Variants in KCNA2 observed in about 807,000 individuals in gnomAD.
KCNA2 encodes potassium voltage-gated channel subfamily A member 2.
In KCNA2, 11 loss-of-function variants were observed where a neutral mutation model predicts 33.4. That is an observed-to-expected ratio of 0.33 (90% CI 0.21 to 0.55). KCNA2 has a LOEUF of 0.55. KCNA2 is among the 20% of genes least tolerant of loss of function. The pLI is 0.93. For missense variants in KCNA2, 291 were observed against 621.6 expected (o/e 0.47, Z 5.66); for synonymous variants, 222 against 231.3 (o/e 0.96, Z 0.37).
chr1:110,618,550 A>G (rs1436795258), intron 1 of KCNA2, among the ~76,000 whole-genome samples: 1 of 152,080 alleles, frequency 6.6e-6, no homozygotes, highest in Non-Finnish European at 1.5e-5. Context: ...TGGCCCTCAG[A>G]TGGGAAAAAG....
Position 110,594,455 on chromosome 1 carries a change from C to A in KCNA2, c.*8828G>T. The A allele has an allele frequency of 1.0e-6, 1 of 985,314 alleles. No homozygotes were observed. Among genetic ancestry groups the A allele is most frequent in the Non-Finnish European group, 1.2e-6 (1 of 829,944 alleles). The allele number at this position is 985,314 out of a possible 1,614,324, so 61.0% of individuals were successfully genotyped here. ...CACTCATGAGCTTTACAGCTATGTC[C>A]CTGATGAAAACTAGAGAATCTTCCT... is the stretch of plus-strand genomic sequence containing the variant. On this transcript the variant is annotated 3_prime_UTR_variant, in exon 3 of 3. Transcript: ENST00000316361.
chr1:110,622,410 A>C (rs1186808721), intron 1 of KCNA2, among the ~76,000 whole-genome samples: 1 of 152,148 alleles, frequency 6.6e-6, no homozygotes, highest in Non-Finnish European at 1.5e-5. Flanking sequence ...GAAAGACGGA[A>C]TGCTTTCCTT....
intron 1 of KCNA2, among the ~76,000 whole-genome samples, chr1:110,617,980 A>T (rs900565436): frequency 6.6e-6 from 1 of 152,100 alleles, no homozygotes; most frequent in Admixed American, 6.5e-5. Context: ...AGTCATCATC[A>T]TGGAGGGGTC....
At chr1:110,628,869 T>C (rs1415829241) in intron 1 of KCNA2, among the ~76,000 whole-genome samples, 1 of 152,188 alleles carries the variant, frequency 6.6e-6, no homozygotes. Flanking sequence ...AGATACTAAA[T>C]GATTGTTTAT....
In KCNA2 at chr1:110,596,335, CTATA is replaced by C. The variant is rs141819879; in HGVS notation, c.*6944_*6947del. The stretch of plus-strand genomic sequence containing the variant: ...AAAATAGTATACATATATACATATA[CTATA>C]TATATATATATACACACATAAATAT... On this transcript the variant is annotated 3_prime_UTR_variant, in exon 3 of 3. Transcript: ENST00000316361. 45 of 335,432 alleles carry C rather than the reference CTATA, an allele frequency of 1.3e-4. No individual in the cohort carries two copies. Among genetic ancestry groups the C allele is most frequent in the East Asian group, 8.5e-4 (5 of 5,900 alleles). 20.8% of individuals were successfully genotyped at this position (335,432 alleles called of 1,614,324 possible). A position where few individuals can be genotyped will look rare whatever the true frequency, so the allele number is the denominator to read the frequency against.
At chr1:110,611,378 C>T (rs142662739) in intron 1 of KCNA2, among the ~76,000 whole-genome samples, 346 of 152,318 alleles carry the variant, frequency 2.3e-3, no homozygotes, top group African/African-American at 8.0e-3. Flanking sequence ...TGGGCCTTGG[C>T]TCCTGTCTTG....
At chr1:110,625,529 A>C (rs1650366577) in intron 1 of KCNA2, among the ~76,000 whole-genome samples, 1 of 152,228 alleles carries the variant, frequency 6.6e-6, no homozygotes, top group African/African-American at 2.4e-5. Context: ...GAAATATTTT[A>C]TAATCATAAA....
In KCNA2 at chr1:110,600,728, A is replaced by G; in HGVS notation, c.*2555T>C. 1.0e-6 allele frequency: 1 copy of G among 985,216 alleles called. No individual in the cohort carries two copies. The highest frequency in any genetic ancestry group is 1.2e-6 in the Non-Finnish European group (1 of 829,906). 61.0% of individuals were successfully genotyped at this position (985,216 alleles called of 1,614,324 possible). A position where few individuals can be genotyped will look rare whatever the true frequency, so the allele number is the denominator to read the frequency against. On this transcript the variant is annotated 3_prime_UTR_variant, in exon 3 of 3. Coordinates refer to ENST00000316361, the MANE Select transcript of KCNA2 (RefSeq NM_004974.4). ...TTTTCCAAAGATCTGTGTCCCTCCCACCCCATGCCTTGGAAATTCAGCACC... is the reference window on the plus strand; with the variant it reads ...TTTTCCAAAGATCTGTGTCCCTCCCGCCCCATGCCTTGGAAATTCAGCACC...
In KCNA2 at chr1:110,597,606, G is replaced by C; in HGVS notation, c.*5677C>G. 2.0e-6 allele frequency: 2 copies of C among 985,430 alleles called. No individual in the cohort carries two copies. The highest frequency in any genetic ancestry group is 1.2e-6 in the Non-Finnish European group (1 of 829,942). The allele number at this position is 985,430 out of a possible 1,614,324, so 61.0% of individuals were successfully genotyped here. On this transcript the variant is annotated 3_prime_UTR_variant, in exon 3 of 3. Transcript: ENST00000316361. ...CATCTTAGCATATGTGTCCATTCCA[G>C]AAGGAGGTCAGATCTCAAGAGGACA...
rs923675431 is a variant in KCNA2, at chr1:110,597,012, T to A, written c.*6271A>T. On this transcript the variant is annotated 3_prime_UTR_variant, in exon 3 of 3. Coordinates refer to ENST00000316361, the MANE Select transcript of KCNA2 (RefSeq NM_004974.4). ...CACACTCTAGCGGGTGGTAGAGTCT[T>A]TATTTCACTAATGTCATGCCCTAAC... 3.0e-6 allele frequency: 3 copies of A among 985,312 alleles called. No homozygotes were observed. In the African/African-American group the frequency reaches 5.2e-5, roughly 17 times the overall value. The allele number at this position is 985,312 out of a possible 1,614,324, so 61.0% of individuals were successfully genotyped here.
At chr1:110,629,656 A>G (rs1385733688) in intron 1 of KCNA2, among the ~76,000 whole-genome samples, 1 of 152,196 alleles carries the variant, frequency 6.6e-6, no homozygotes, top group African/African-American at 2.4e-5. Flanking sequence ...CTGTGTATCT[A>G]TAAGCACACT....
chr1:110,612,289 G>A lies in KCNA2; in HGVS notation c.-495-6567C>T, dbSNP rs138391854. 4.2e-3 allele frequency among the ~76,000 whole-genome samples: 642 copies of A among 152,294 alleles called. 2 individuals are homozygous for A. Among genetic ancestry groups the A allele is most frequent in the African/African-American group, 0.015 (606 of 41,552 alleles). On this transcript the variant is annotated intron_variant, in intron 1 of 4. Transcript: ENST00000369770. ...CATCGTAGAGTGTACTTACACAAACGTAGATGGCATAGCCTGCCACACACC... is the reference window on the plus strand; with the variant it reads ...CATCGTAGAGTGTACTTACACAAACATAGATGGCATAGCCTGCCACACACC...
upstream of KCNA2, among the ~76,000 whole-genome samples, chr1:110,611,179 ACT>A (rs1313431923): frequency 6.6e-6 from 1 of 152,106 alleles, no homozygotes; most frequent in East Asian, 1.9e-4. Context: ...GTGGAACAGG[ACT>A]CTGTTAATGT....
In KCNA2 at chr1:110,594,166, A is replaced by C. The variant is rs1007854065; in HGVS notation, c.*9117T>G. 1 of 1,317,362 alleles carries C rather than the reference A, an allele frequency of 7.6e-7. No individual in the cohort carries two copies. The highest frequency in any genetic ancestry group is 1.5e-5 in the African/African-American group (1 of 66,448). 81.6% of individuals were successfully genotyped at this position (1,317,362 alleles called of 1,614,324 possible). Reference sequence around the variant, plus strand: ...TCTTTGAGTTTTCAGCAATTATTAGAGACAGGACATGGGAGGGCAGCTGAA... The same window carrying C: ...TCTTTGAGTTTTCAGCAATTATTAGCGACAGGACATGGGAGGGCAGCTGAA... On this transcript the variant is annotated 3_prime_UTR_variant, in exon 3 of 3. Transcript: ENST00000316361.
chr1:110,615,680 G>A (rs539602085), intron 1 of KCNA2, among the ~76,000 whole-genome samples: 22 of 152,356 alleles, frequency 1.4e-4, no homozygotes, highest in African/African-American at 5.3e-4. Flanking sequence ...GGGAGGGAAA[G>A]GTAGACAAGT....
upstream of KCNA2, chr1:110,606,645 G>C (rs1036246661): frequency 1.3e-5 from 2 of 152,432 alleles, no homozygotes; most frequent in African/African-American, 4.8e-5. Context: ...GGGCCCAAGC[G>C]CAGTTCAGCT....
intron 1 of KCNA2, among the ~76,000 whole-genome samples, chr1:110,617,659 T>C (rs903801994): frequency 6.6e-6 from 1 of 152,116 alleles, no homozygotes; most frequent in Non-Finnish European, 1.5e-5. Context: ...AAGGCAGTGA[T>C]GAAGAGAAAA....
chr1:110,594,820 C>A lies in KCNA2; in HGVS notation c.*8463G>T. 1 of 985,422 alleles carries A rather than the reference C, an allele frequency of 1.0e-6. No individual in the cohort carries two copies. The highest frequency in any genetic ancestry group is 5.2e-4 in the Middle Eastern group (1 of 1,914). 61.0% of individuals were successfully genotyped at this position (985,422 alleles called of 1,614,324 possible). ...TTCTATCCCATTTCTTAGCCTGGAG[C>A]TGATGTGCTCCTTTCCAGCCCCACC... On this transcript the variant is annotated 3_prime_UTR_variant, in exon 3 of 3. Transcript: ENST00000316361.
chr1:110,615,526 C>G (rs1039651912), intron 1 of KCNA2, among the ~76,000 whole-genome samples: 4 of 152,232 alleles, frequency 2.6e-5, no homozygotes, highest in Admixed American at 6.5e-5. Flanking sequence ...AAGGTGGTCA[C>G]TAGAATGGGG....
Sources: gnomAD v4.1 joint callset for allele counts (sites outside exome capture counted in the v4.1 genomes callset) on GRCh38, gnomAD v4.1.1 for gene constraint, MANE v1.5 for transcripts, NCBI Gene and HGNC (gene_info 2026-07-23, HGNC 2026-07-21) for gene names.